Variants in TESMIN observed in about 807,000 individuals in gnomAD.
The protein encoded by TESMIN is testis expressed metallothionein like protein, also known as CXC domain containing 2.
In TESMIN, 34 loss-of-function variants were observed where a neutral mutation model predicts 47.4. That is an observed-to-expected ratio of 0.72 (90% CI 0.55 to 0.96). TESMIN has a LOEUF of 0.96. Ranked by LOEUF, TESMIN falls within the 40% of genes least tolerant of loss-of-function variation. The pLI is 0.00. For missense variants in TESMIN, 610 were observed against 637.2 expected (o/e 0.96, Z 0.46); for synonymous variants, 278 against 258.9 (o/e 1.07, Z -0.71).
At chr11:68,731,120 C>T (rs1465864534) in intron 6 of TESMIN, among the ~76,000 whole-genome samples, 2 of 152,072 alleles carry the variant, frequency 1.3e-5, no homozygotes, top group Non-Finnish European at 2.9e-5. Flanking sequence ...TGTGGAGGTT[C>T]CCCCAGGAAA....
At chr11:68,733,479 A>G (rs1266611539) in intron 6 of TESMIN, among the ~76,000 whole-genome samples, 1 of 152,224 alleles carries the variant, frequency 6.6e-6, no homozygotes, top group African/African-American at 2.4e-5. Context: ...GCTTCATGCA[A>G]AAGTGGCTGC....
intron 2 of TESMIN, among the ~76,000 whole-genome samples, chr11:68,749,576 A>G (rs561893471): frequency 1.3e-5 from 2 of 152,350 alleles, no homozygotes; most frequent in South Asian, 4.1e-4. Flanking sequence ...ATCTACAGCT[A>G]GAGAGGGCAG....
At chr11:68,731,516 G>A (rs1203113946) in intron 6 of TESMIN, among the ~76,000 whole-genome samples, 2 of 152,124 alleles carry the variant, frequency 1.3e-5, no homozygotes, top group Admixed American at 1.3e-4. Flanking sequence ...CTCATAGCCT[G>A]TATACAGCAG....
intron 6 of TESMIN, among the ~76,000 whole-genome samples, chr11:68,728,676 G>A (rs751012341): frequency 1.3e-5 from 2 of 152,232 alleles, no homozygotes; most frequent in Non-Finnish European, 2.9e-5. Context: ...CAAAGGACAG[G>A]CTGGCTCTCT....
chr11:68,724,525 G>T (rs760487716), intron 6 of TESMIN, among the ~76,000 whole-genome samples: 5 of 152,192 alleles, frequency 3.3e-5, no homozygotes, highest in Non-Finnish European at 7.3e-5. Context: ...TTCCTATTTA[G>T]TTGGCCCGAC....
At position 68,750,331 on chromosome 11, in the gene TESMIN, C is replaced by T. The variant is rs1029761027; in HGVS notation, c.330G>A (p.Ala110=). 1 of 1,506,402 alleles carries T rather than the reference C, an allele frequency of 6.6e-7. No homozygotes were observed. The highest frequency in any genetic ancestry group is 2.4e-5 in the East Asian group (1 of 40,988). 93.3% of individuals were successfully genotyped at this position (1,506,402 alleles called of 1,614,324 possible). Residue 110 remains alanine, a synonymous_variant, in exon 2 of 10, where the codon GCG becomes GCA. Coordinates refer to ENST00000255087, the MANE Select transcript of TESMIN (RefSeq NM_004923.3). ...IPELSALEDV[A]LLQAPQPPAC... ...CGGGCGGCTGCGGGGCCTGCAGGAGCGCGACGTCCTCCAGCGCGCTGAGCT... is the reference window on the plus strand; with the variant it reads ...CGGGCGGCTGCGGGGCCTGCAGGAGTGCGACGTCCTCCAGCGCGCTGAGCT...
At chr11:68,726,574 G>A (rs1471986240) in intron 6 of TESMIN, among the ~76,000 whole-genome samples, 1 of 152,298 alleles carries the variant, frequency 6.6e-6, no homozygotes, top group South Asian at 2.1e-4. Flanking sequence ...ATAGTTATGA[G>A]CTACAGAGAA....
intron 6 of TESMIN, among the ~76,000 whole-genome samples, chr11:68,718,681 GCA>G (rs1414888451): frequency 3.2e-4 from 49 of 152,282 alleles, no homozygotes; most frequent in African/African-American, 1.1e-3. Flanking sequence ...GACAGCATGA[GCA>G]CATTCTGCAG....
At chr11:68,705,927 G>T (rs1594280661), downstream of TESMIN, among the ~76,000 whole-genome samples, 3 of 151,342 alleles carry the variant, frequency 2.0e-5, no homozygotes, top group African/African-American at 7.3e-5. Context: ...GGAGGCTGAG[G>T]CAGGAGAATC....
In TESMIN at chr11:68,750,536, T is replaced by C. The variant is rs1164341847; in HGVS notation, c.125A>G (p.Glu42Gly). The C allele has an allele frequency of 4.4e-6, 7 of 1,605,720 alleles. No homozygotes were observed. The East Asian group carries it at 1.6e-4, about 36-fold the overall frequency. The change falls in exon 2 of 10, where the codon GAG (glutamate) becomes GGG (glycine). Residue 42 changes from glutamate to glycine, a missense_variant. Transcript: ENST00000255087. ...NIGLKAPVKY[E>G]EDEFHVFKEA... is the part of the protein sequence containing the mutation. ...TTTGAAGACGTGGAACTCGTCCTCC[T>C]CGTACTTCACGGGGGCCTTCAGGCC... is the stretch of plus-strand genomic sequence containing the variant.
intron 6 of TESMIN, among the ~76,000 whole-genome samples, chr11:68,727,082 A>C (rs767673665): frequency 8.3e-4 from 126 of 151,958 alleles, no homozygotes; most frequent in Non-Finnish European, 1.5e-3. Context: ...AAAAAAAAAA[A>C]TAATGAAATG....
intron 9 of TESMIN, among the ~76,000 whole-genome samples, chr11:68,709,495 G>A (rs946920615): frequency 3.3e-5 from 5 of 152,228 alleles, no homozygotes; most frequent in African/African-American, 1.2e-4. Context: ...AAGTTGAACC[G>A]CATCACATAG....
chr11:68,709,713 G>A (rs953527578), intron 9 of TESMIN, among the ~76,000 whole-genome samples: 6 of 152,190 alleles, frequency 3.9e-5, no homozygotes, highest in African/African-American at 1.4e-4. Flanking sequence ...AGATAGGGCT[G>A]CCCTTGGGAA....
At chr11:68,719,120 C>G (rs1046335127) in intron 6 of TESMIN, among the ~76,000 whole-genome samples, 7 of 152,152 alleles carry the variant, frequency 4.6e-5, no homozygotes, top group Non-Finnish European at 1.0e-4. Flanking sequence ...TGCACACAGG[C>G]CTGGAAACCA....
rs1356580997 is a variant in TESMIN, at chr11:68,750,753, C to A, written c.-39-54G>T. The A allele has an allele frequency of 7.7e-6, 4 of 516,268 alleles. No individual in the cohort carries two copies. The African/African-American group carries it at 1.2e-4, about 16-fold the overall frequency. The allele number at this position is 516,268 out of a possible 1,614,324, so 32.0% of individuals were successfully genotyped here. A position where few individuals can be genotyped will look rare whatever the true frequency, so the allele number is the denominator to read the frequency against. ...CCAGAGGAGAGGACGAGGGGAGGGG[C>A]GGCCAGGAAAGGGGACAGCCAAGGG... On this transcript the variant is annotated intron_variant, in intron 1 of 9. Transcript: ENST00000255087.
intron 6 of TESMIN, among the ~76,000 whole-genome samples, chr11:68,730,796 C>CAA (rs111323065): frequency 1.0e-3 from 101 of 96,942 alleles, no homozygotes; most frequent in Admixed American, 4.6e-3. Context: ...GACTTTGTCT[C>CAA]AAAAAAAAAA....
At chr11:68,737,254 G>A in intron 6 of TESMIN, 1 of 985,452 alleles carries the variant, frequency 1.0e-6, no homozygotes, top group Non-Finnish European at 1.2e-6. Context: ...AGTGAAGCAA[G>A]CAGCATGGCC....
At chr11:68,742,166 G>C (rs2153992792) in intron 5 of TESMIN, 152 bp downstream of exon 5, 1 of 566,472 alleles carries the variant, frequency 1.8e-6, no homozygotes, top group East Asian at 3.0e-5. Flanking sequence ...GTCTGACACA[G>C]TGGGGCAGGG....
Position 68,750,389 on chromosome 11 carries a change from C to A in TESMIN, c.272G>T (p.Gly91Val). Reference sequence around the variant, plus strand: ...CCCGGGGTACTCCCCGAGGAGCTCCCCGCCGTCGCTGTCGCCCCCCGCGAG... The same window carrying A: ...CCCGGGGTACTCCCCGAGGAGCTCCACGCCGTCGCTGTCGCCCCCCGCGAG... The part of the protein sequence containing the change: ...AKLAGGDSDG[G>V]ELLGEYPGIP... The change falls in exon 2 of 10, where the codon GGG (glycine) becomes GTG (valine). Residue 91 changes from glycine (G) to valine (V), a missense_variant. Transcript: ENST00000255087. The A allele has an allele frequency of 1.3e-6, 2 of 1,514,012 alleles. No homozygotes were observed. Among genetic ancestry groups the A allele is most frequent in the East Asian group, 2.5e-5 (1 of 39,754 alleles). The allele number at this position is 1,514,012 out of a possible 1,614,324, so 93.8% of individuals were successfully genotyped here.
Sources: gnomAD v4.1 joint callset for allele counts (sites outside exome capture counted in the v4.1 genomes callset) on GRCh38, gnomAD v4.1.1 for gene constraint, MANE v1.5 for transcripts, NCBI Gene and HGNC (gene_info 2026-07-23, HGNC 2026-07-21) for gene names.